The following DNAH8 variants were observed in gnomAD, a reference collection of about 807,000 sequenced individuals.
DNAH8 encodes the protein dynein axonemal heavy chain 8.
A neutral mutation model predicts 562.1 loss-of-function variants in DNAH8; 382 were observed. The observed-to-expected ratio is 0.68, with a 90% CI of 0.63 to 0.74. The LOEUF is 0.74. Ranked by LOEUF, DNAH8 falls within the 30% of genes least tolerant of loss-of-function variation. The pLI is 0.00. For missense variants in DNAH8, 5,203 were observed against 5,620.4 expected (o/e 0.93, Z 2.37); for synonymous variants, 1,881 against 1,919.4 (o/e 0.98, Z 0.52).
At chr6:38,991,963 C>G (rs1056305919) in intron 88 of DNAH8, among the ~76,000 whole-genome samples, 1 of 143,088 alleles carries the variant, frequency 7.0e-6, no homozygotes, top group Non-Finnish European at 1.5e-5. Flanking sequence ...CACTGACATA[C>G]TCTACACTTT....
At chr6:38,733,562 A>G (rs1301539592) in intron 4 of DNAH8, among the ~76,000 whole-genome samples, 2 of 152,210 alleles carry the variant, frequency 1.3e-5, no homozygotes, top group African/African-American at 4.8e-5. Context: ...GCCAGGCCAA[A>G]AGGAACAGAA....
intron 28 of DNAH8, among the ~76,000 whole-genome samples, chr6:38,824,369 G>A (rs1054307421): frequency 2.0e-5 from 3 of 152,180 alleles, no homozygotes; most frequent in Non-Finnish European, 4.4e-5. Flanking sequence ...TCAGAGGCGG[G>A]TTTATTGGAG....
intron 1 of DNAH8, among the ~76,000 whole-genome samples, chr6:38,716,297 CA>C (rs914322050): frequency 1.3e-5 from 2 of 151,528 alleles, no homozygotes; most frequent in Admixed American, 6.6e-5. Context: ...AAAAATAAAA[CA>C]AAAAAAATGC....
chr6:38,980,046 C>G (rs1371529299), intron 85 of DNAH8, among the ~76,000 whole-genome samples: 2 of 152,172 alleles, frequency 1.3e-5, no homozygotes, highest in Non-Finnish European at 2.9e-5. Flanking sequence ...TCTCCACCCA[C>G]CCTTGCTCCT....
chr6:38,760,048 A>G (rs1766338933), intron 10 of DNAH8, among the ~76,000 whole-genome samples: 1 of 152,220 alleles, frequency 6.6e-6, no homozygotes, highest in Non-Finnish European at 1.5e-5. Flanking sequence ...ATTTTTTTCA[A>G]CATTGTGAAT....
At chr6:38,884,466 G>A (rs1210071166) in intron 56 of DNAH8, among the ~76,000 whole-genome samples, 2 of 152,118 alleles carry the variant, frequency 1.3e-5, no homozygotes, top group Non-Finnish European at 2.9e-5. Context: ...GCTAATTTTT[G>A]TATTTTTAGT....
intron 36 of DNAH8, among the ~76,000 whole-genome samples, chr6:38,847,735 A>G (rs1775409376): frequency 6.6e-6 from 1 of 152,206 alleles, no homozygotes; most frequent in Admixed American, 6.6e-5. Flanking sequence ...CACCACATTG[A>G]AACTGCTTGC....
chr6:38,994,671 G>A (rs1196329604), intron 88 of DNAH8, among the ~76,000 whole-genome samples: 9 of 138,464 alleles, frequency 6.5e-5, no homozygotes, highest in African/African-American at 2.5e-4. Flanking sequence ...TTTTTGAGCC[G>A]GAGTCATGCT....
chr6:38,858,497 G>A (rs1776370287), intron 42 of DNAH8, among the ~76,000 whole-genome samples: 2 of 152,128 alleles, frequency 1.3e-5, no homozygotes, highest in South Asian at 2.1e-4. Context: ...CAGTCAGTCC[G>A]TCCATCCCCC....
intron 26 of DNAH8, 37 bp downstream of exon 26, chr6:38,815,694 CT>C (rs1772197220): frequency 1.9e-6 from 3 of 1,543,458 alleles, no homozygotes; most frequent in East Asian, 4.7e-5. Context: ...CTTACTGATC[CT>C]TTTTGGATTT....
intron 32 of DNAH8, among the ~76,000 whole-genome samples, chr6:38,836,692 C>G (rs1372629736): frequency 6.6e-6 from 1 of 151,860 alleles, no homozygotes; most frequent in Non-Finnish European, 1.5e-5. Flanking sequence ...TACTCCAACC[C>G]CCTAAAAAAA....
intron 85 of DNAH8, among the ~76,000 whole-genome samples, chr6:38,977,250 G>A (rs1270512938): frequency 6.6e-6 from 1 of 152,154 alleles, no homozygotes; most frequent in Non-Finnish European, 1.5e-5. Context: ...ATGGGAACAT[G>A]CATAGATGCA....
chr6:38,861,035 A>G (rs1221581203), intron 43 of DNAH8, among the ~76,000 whole-genome samples: 3 of 152,188 alleles, frequency 2.0e-5, no homozygotes, highest in Non-Finnish European at 4.4e-5. Flanking sequence ...TAATTAGTCA[A>G]TGGCAGATCC....
chr6:38,888,131 G>A (rs1007450157), intron 57 of DNAH8, among the ~76,000 whole-genome samples: 1 of 146,576 alleles, frequency 6.8e-6, no homozygotes, highest in African/African-American at 2.5e-5. Flanking sequence ...GAGCCACCGT[G>A]CCCATCCGGG....
intron 82 of DNAH8, among the ~76,000 whole-genome samples, chr6:38,954,159 C>G (rs920070362): frequency 6.6e-6 from 1 of 152,106 alleles, no homozygotes; most frequent in African/African-American, 2.4e-5. Context: ...GCACAGAGTA[C>G]TGGGTACATG....
intron 39 of DNAH8, among the ~76,000 whole-genome samples, chr6:38,851,957 T>G (rs887290334): frequency 5.3e-5 from 8 of 152,214 alleles, no homozygotes; most frequent in Non-Finnish European, 1.0e-4. Context: ...AATCAGGATA[T>G]TAATGGTTCT....
intron 92 of DNAH8, among the ~76,000 whole-genome samples, chr6:39,029,181 A>G (rs1055667088): frequency 6.6e-6 from 1 of 152,046 alleles, no homozygotes; most frequent in African/African-American, 2.4e-5. Context: ...TTTTACAACC[A>G]TCGAGCCCTC....
chr6:38,881,642 C>G (rs894834211), intron 53 of DNAH8, among the ~76,000 whole-genome samples: 2 of 151,366 alleles, frequency 1.3e-5, no homozygotes, highest in African/African-American at 4.9e-5. Context: ...ACCTCCGCCT[C>G]CCGGGTTCAA....
In DNAH8 at chr6:38,909,575, A is replaced by G; in HGVS notation, c.9571A>G (p.Thr3191Ala). Residue 3191 changes from threonine (T) to alanine (A), a missense_variant, in exon 65 of 93, where the codon ACT becomes GCT. By Grantham distance (58) the Thr-to-Ala change is moderately conservative. Coordinates refer to ENST00000327475, the MANE Select transcript of DNAH8 (RefSeq NM_001206927.2). ...ATTTCCTGGCTTGATATCAGGTTGC[A>G]CTATGGACTGGTTCAGCCGCTGGCC... ...LKFPGLISGC[T>A]MDWFSRWPRE... 1.2e-6 allele frequency: 2 copies of G among 1,614,116 alleles called. No homozygotes were observed. Among genetic ancestry groups the G allele is most frequent in the South Asian group, 2.2e-5 (2 of 91,074 alleles).
Sources: allele counts gnomAD v4.1 joint callset (sites outside exome capture counted in the v4.1 genomes callset), GRCh38; gene constraint gnomAD v4.1.1; transcripts MANE v1.5; gene names NCBI Gene and HGNC (gene_info 2026-07-23, HGNC 2026-07-21).